Variants in PPP4R3B observed in about 807,000 individuals in gnomAD.
PPP4R3B encodes serine/threonine-protein phosphatase 4 regulatory subunit 3B.
Under a neutral mutation model 95.4 loss-of-function variants are expected in PPP4R3B, and 52 were observed. That is an observed-to-expected ratio of 0.54 (90% CI 0.44 to 0.69). PPP4R3B has a LOEUF of 0.69. Ranked by LOEUF, PPP4R3B falls within the 30% of genes least tolerant of loss-of-function variation. The pLI is 0.00. For missense variants in PPP4R3B, 1,003 were observed against 1,005.9 expected (o/e 1.00, Z 0.04); for synonymous variants, 407 against 343.9 (o/e 1.18, Z -2.03).
At chr2:55,614,873 GATTA>G (rs1339555142) in intron 2 of PPP4R3B, 1 of 152,142 alleles carries the variant, frequency 6.6e-6, no homozygotes, top group Non-Finnish European at 1.5e-5. Context: ...ACCATTTTCA[GATTA>G]ATCAGGCGTG....
intron 4 of PPP4R3B, among the ~76,000 whole-genome samples, chr2:55,590,873 AAT>A (rs371024085): frequency 1.9e-4 from 29 of 152,236 alleles, no homozygotes; most frequent in African/African-American, 6.3e-4. Flanking sequence ...TTAAAAAATG[AAT>A]AGAAACCACT....
chr2:55,555,117 A>G (rs1463160521), intron 16 of PPP4R3B, among the ~76,000 whole-genome samples: 2 of 151,942 alleles, frequency 1.3e-5, no homozygotes, highest in African/African-American at 2.4e-5. Context: ...CATCTCTACT[A>G]AAAATACAAA....
At position 55,548,225 on chromosome 2, in the gene PPP4R3B, AG is replaced by A. The variant is rs1246973191; in HGVS notation, c.*1685del. The A allele has an allele frequency of 3.9e-5, 6 of 152,576 alleles. No individual in the cohort carries two copies. The highest frequency in any genetic ancestry group is 3.9e-4 in the Admixed American group (6 of 15,290). The allele number at this position is 152,576 out of a possible 1,614,324, so 9.5% of individuals were successfully genotyped here. A position where few individuals can be genotyped will look rare whatever the true frequency, so the allele number is the denominator to read the frequency against. On this transcript the variant is annotated 3_prime_UTR_variant, in exon 17 of 17. Transcript: ENST00000616407. ...AAGTGCCATTGACCCGCATTTGTTT[AG>A]AATTATTTCATTAAAATTGGGGTAT...
intron 15 of PPP4R3B, among the ~76,000 whole-genome samples, chr2:55,560,162 C>T (rs893156424): frequency 6.6e-6 from 1 of 152,004 alleles, no homozygotes; most frequent in African/African-American, 2.4e-5. Flanking sequence ...GACTTTGGAA[C>T]TGGGTAATAG....
intron 15 of PPP4R3B, among the ~76,000 whole-genome samples, chr2:55,563,111 G>A (rs2103913628): frequency 6.6e-6 from 1 of 152,332 alleles, no homozygotes; most frequent in African/African-American, 2.4e-5. Context: ...AGTCAGGGCA[G>A]TACCTGTAAT....
At chr2:55,579,617 T>A in intron 9 of PPP4R3B, 62 bp downstream of exon 9, 1 of 1,206,562 alleles carries the variant, frequency 8.3e-7, no homozygotes, top group Non-Finnish European at 1.1e-6. Context: ...CCTGTTAGTT[T>A]AATATTTATC....
At chr2:55,615,148 C>A (rs1304544765) in intron 2 of PPP4R3B, 1 of 238,790 alleles carries the variant, frequency 4.2e-6, no homozygotes, top group East Asian at 1.2e-4. Context: ...TTCCTTTAAA[C>A]GTGACTCAGA....
intron 2 of PPP4R3B, among the ~76,000 whole-genome samples, chr2:55,611,900 T>G (rs992205826): frequency 3.3e-5 from 5 of 152,124 alleles, no homozygotes; most frequent in Admixed American, 2.0e-4. Context: ...GGATAATTTT[T>G]GAATTTTTTT....
chr2:55,604,100 T>C (rs1693047144), intron 2 of PPP4R3B, 24 bp from the exon 3 acceptor site: 1 of 1,547,768 alleles, frequency 6.5e-7, no homozygotes, highest in African/African-American at 1.4e-5. Flanking sequence ...AATATTTCCA[T>C]ATCATCACAC....
chr2:55,551,855 T>A (rs375822653), intron 16 of PPP4R3B, among the ~76,000 whole-genome samples: 37 of 152,350 alleles, frequency 2.4e-4, no homozygotes, highest in African/African-American at 8.4e-4. Flanking sequence ...TTAGCTGCTA[T>A]TACTACTATC....
intron 2 of PPP4R3B, among the ~76,000 whole-genome samples, chr2:55,612,402 A>T (rs1694288662): frequency 6.6e-6 from 1 of 152,204 alleles, no homozygotes. Context: ...TGGAAATCTC[A>T]ATTTGTGTAA....
chr2:55,597,360 C>T (rs62165200), intron 4 of PPP4R3B, among the ~76,000 whole-genome samples: 71,743 of 151,532 alleles, frequency 0.47, 18,059 homozygotes, highest in Non-Finnish European at 0.56. Flanking sequence ...GGGTGGCTCA[C>T]GCCTGTAATC....
chr2:55,606,851 A>C (rs1260928441), intron 2 of PPP4R3B, among the ~76,000 whole-genome samples: 2 of 151,626 alleles, frequency 1.3e-5, no homozygotes, highest in Admixed American at 1.3e-4. Context: ...AAGTAAAAAA[A>C]ATTATCTTTT....
intron 3 of PPP4R3B, among the ~76,000 whole-genome samples, chr2:55,600,940 C>T (rs779326313): frequency 1.3e-5 from 2 of 151,948 alleles, no homozygotes; most frequent in African/African-American, 2.4e-5. Flanking sequence ...AGGCAGATCA[C>T]GAGCTCAGGA....
chr2:55,592,128 A>G (rs912250741), intron 4 of PPP4R3B, among the ~76,000 whole-genome samples: 1 of 152,234 alleles, frequency 6.6e-6, no homozygotes, highest in Non-Finnish European at 1.5e-5. Context: ...CAAACAAAAG[A>G]AAAAACAGAA....
chr2:55,566,385 G>C (rs1203416807), intron 13 of PPP4R3B, among the ~76,000 whole-genome samples: 2 of 152,084 alleles, frequency 1.3e-5, no homozygotes, highest in African/African-American at 2.4e-5. Flanking sequence ...ATAGGGACAG[G>C]GTTGTAAACT....
chr2:55,591,073 C>G (rs1436813761), intron 4 of PPP4R3B, among the ~76,000 whole-genome samples: 3 of 151,882 alleles, frequency 2.0e-5, no homozygotes, highest in African/African-American at 7.3e-5. Flanking sequence ...GCACTGCAGC[C>G]TGAACATCCA....
At chr2:55,602,654 G>T (rs1692789419) in intron 3 of PPP4R3B, among the ~76,000 whole-genome samples, 1 of 152,202 alleles carries the variant, frequency 6.6e-6, no homozygotes, top group African/African-American at 2.4e-5. Flanking sequence ...AATACTGAAT[G>T]TATGCTGCCA....
At chr2:55,594,877 T>C (rs1170929614) in intron 4 of PPP4R3B, among the ~76,000 whole-genome samples, 2 of 152,108 alleles carry the variant, frequency 1.3e-5, no homozygotes, top group Non-Finnish European at 2.9e-5. Context: ...GGTGAATAAA[T>C]GACCTGAAAG....
Sources: allele counts gnomAD v4.1 joint callset (sites outside exome capture counted in the v4.1 genomes callset), GRCh38; gene constraint gnomAD v4.1.1; transcripts MANE v1.5; gene names NCBI Gene and HGNC (gene_info 2026-07-23, HGNC 2026-07-21).